The following CEP112 variants were observed in gnomAD, a reference collection of about 807,000 sequenced individuals.
CEP112 encodes centrosomal protein of 112 kDa.
A neutral mutation model predicts 153.0 loss-of-function variants in CEP112; 127 were observed. The ratio of observed to expected loss-of-function variants is 0.83; its 90% CI spans 0.72 to 0.96. The LOEUF (loss-of-function observed/expected upper bound fraction) is 0.96. Ranked by LOEUF, CEP112 falls within the 40% of genes least tolerant of loss-of-function variation. The pLI is 0.00. For missense variants in CEP112, 1,089 were observed against 1,101.2 expected (o/e 0.99, Z 0.16); for synonymous variants, 358 against 374.4 (o/e 0.96, Z 0.51).
chr17:66,168,233 G>A (rs1446898819), intron 4 of CEP112, among the ~76,000 whole-genome samples: 2 of 152,040 alleles, frequency 1.3e-5, no homozygotes, highest in African/African-American at 2.4e-5. Flanking sequence ...AGTTTCATGT[G>A]TGGTACCCAG....
chr17:65,755,408 C>A (rs976681769), intron 21 of CEP112, among the ~76,000 whole-genome samples: 3 of 152,158 alleles, frequency 2.0e-5, no homozygotes, highest in Non-Finnish European at 4.4e-5. Flanking sequence ...AACCACTTCC[C>A]ACCAGGCCCC....
rs753860478 is a variant in CEP112, at chr17:65,851,812, G to C, written c.2386C>G (p.Leu796Val). The C allele has an allele frequency of 1.1e-5, 18 of 1,609,522 alleles. No homozygotes were observed. Among genetic ancestry groups the C allele is most frequent in the Non-Finnish European group, 1.4e-5 (17 of 1,177,854 alleles). ...KTHAAETEMT[L>V]EKANSKLKQI... ...CTAGTTAAATATCTTACCTTTTCCAGTGTCATCTCTGTCTCAGCAGCATGA... is the reference window on the plus strand; with the variant it reads ...CTAGTTAAATATCTTACCTTTTCCACTGTCATCTCTGTCTCAGCAGCATGA... The change falls in exon 21 of 27, where the codon CTG (leucine) becomes GTG (valine). Residue 796 changes from leucine to valine, a missense_variant. Coordinates refer to ENST00000535342, the MANE Select transcript of CEP112 (RefSeq NM_001199165.4).
rs60923113 is a variant in CEP112, at chr17:66,155,341, G to A, written c.470+19703C>T. ...GAAGCCATGAGGGACTGTGCCGTGA[G>A]GGACAGTGCATTCTGACCCAGTTAC... is the stretch of plus-strand genomic sequence containing the variant. On this transcript the variant is annotated intron_variant, in intron 4 of 26. Transcript: ENST00000535342. Among the ~76,000 whole-genome samples, 416 of 152,224 alleles carry A rather than the reference G, an allele frequency of 2.7e-3. 2 individuals are homozygous for A. Among genetic ancestry groups the A allele is most frequent in the Middle Eastern group, 0.01 (3 of 294 alleles).
intron 21 of CEP112, among the ~76,000 whole-genome samples, chr17:65,840,578 GA>G (rs1327573985): frequency 1.2e-4 from 18 of 152,030 alleles, no homozygotes; most frequent in Admixed American, 9.2e-4. Context: ...TCTAGGCAAA[GA>G]TTTTTTTTGG....
rs9898017 is a variant in CEP112 at position 65,931,394 on chromosome 17, A to G, written c.1873-3705T>C. Among the ~76,000 whole-genome samples, 773 of 152,342 alleles carry G rather than the reference A, an allele frequency of 5.1e-3. 7 individuals carry two copies. The highest frequency in any genetic ancestry group is 0.018 in the African/African-American group (742 of 41,582). ...TGTATCATCTCTCCCACAAACCACC[A>G]TAGTGCCACACAGAGAGGATTCCCC... is the stretch of plus-strand genomic sequence containing the variant. On this transcript the variant is annotated intron_variant, in intron 18 of 26. Coordinates refer to ENST00000535342, the MANE Select transcript of CEP112 (RefSeq NM_001199165.4).
intron 4 of CEP112, among the ~76,000 whole-genome samples, chr17:66,134,817 G>A (rs973630231): frequency 6.6e-6 from 1 of 152,126 alleles, no homozygotes; most frequent in Non-Finnish European, 1.5e-5. Context: ...GTGAGACCCT[G>A]TCTAAAAACA....
chr17:65,706,504 G>A (rs190611393), intron 23 of CEP112, among the ~76,000 whole-genome samples: 16 of 152,230 alleles, frequency 1.1e-4, no homozygotes, highest in Admixed American at 9.8e-4. Flanking sequence ...CTAAAATCAA[G>A]AAAGATACAC....
At chr17:66,186,587 C>G (rs2072947548) in intron 1 of CEP112, among the ~76,000 whole-genome samples, 1 of 152,172 alleles carries the variant, frequency 6.6e-6, no homozygotes, top group Non-Finnish European at 1.5e-5. Flanking sequence ...CCATGCCCAG[C>G]TGCCTCTTGT....
rs765606382 is a variant in CEP112 at position 65,951,111 on chromosome 17, CTG to C, written c.1872+10350_1872+10351del. On this transcript the variant is annotated intron_variant, in intron 18 of 26. Coordinates refer to ENST00000535342, the MANE Select transcript of CEP112 (RefSeq NM_001199165.4). ...CCGCTTGGTCGTGGTGTATAATTGT[CTG>C]TATATGTTGCTAGATTCCGTTTTCC... Among the ~76,000 whole-genome samples the C allele has an allele frequency of 9.9e-5, 15 of 152,142 alleles. No individual in the cohort carries two copies. The South Asian group carries it at 3.1e-3, about 32-fold the overall frequency.
chr17:66,150,529 C>A (rs1309355670), intron 4 of CEP112, among the ~76,000 whole-genome samples: 1 of 152,224 alleles, frequency 6.6e-6, no homozygotes, highest in Non-Finnish European at 1.5e-5. Flanking sequence ...TCGCACCCAG[C>A]CACTGGAGTG....
chr17:65,910,288 T>C (rs1230821190), intron 19 of CEP112, among the ~76,000 whole-genome samples: 2 of 152,162 alleles, frequency 1.3e-5, no homozygotes, highest in Non-Finnish European at 2.9e-5. Flanking sequence ...ACTGACAGGC[T>C]GAAAAGTAGT....
intron 25 of CEP112, among the ~76,000 whole-genome samples, chr17:65,639,524 C>T (rs571390156): frequency 2.6e-5 from 4 of 151,748 alleles, no homozygotes; most frequent in African/African-American, 7.2e-5. Context: ...AACAAACCCC[C>T]GTTTCTAAAA....
At chr17:65,651,990 A>G (rs1400066883) in intron 24 of CEP112, among the ~76,000 whole-genome samples, 2 of 152,258 alleles carry the variant, frequency 1.3e-5, no homozygotes, top group Admixed American at 1.3e-4. Flanking sequence ...GGCATGAGCC[A>G]CTGCGCCCAG....
chr17:65,648,226 C>A (rs1470120031), intron 24 of CEP112, among the ~76,000 whole-genome samples: 1 of 152,156 alleles, frequency 6.6e-6, no homozygotes, highest in Non-Finnish European at 1.5e-5. Flanking sequence ...AAGAGAGGGG[C>A]TTCCCTCTCT....
intron 19 of CEP112, among the ~76,000 whole-genome samples, chr17:65,921,890 T>C (rs1430004855): frequency 6.6e-6 from 1 of 152,030 alleles, no homozygotes; most frequent in East Asian, 1.9e-4. Context: ...CAAATTTATA[T>C]ATTTTTTTTA....
chr17:65,659,015 C>CAAAAAAAAAAAAAA (rs777326885), intron 24 of CEP112, among the ~76,000 whole-genome samples: 1 of 55,578 alleles, frequency 1.8e-5, no homozygotes, highest in African/African-American at 5.8e-5. Flanking sequence ...GACTCTGTCT[C>CAAAAAAAAAAAAAA]AAAAAAAAAA....
In CEP112 at chr17:66,057,399, G is replaced by T. The variant is rs563374974; in HGVS notation, c.1075-3520C>A. ...ACTGGGTAGGTATATCCCTCCATGG[G>T]ATAGGCATCTCCATGGGATAGGTAT... On this transcript the variant is annotated intron_variant, in intron 11 of 26. Transcript: ENST00000535342. Among the ~76,000 whole-genome samples, 5 of 152,276 alleles carry T rather than the reference G, an allele frequency of 3.3e-5. No homozygotes were observed. In the East Asian group the frequency reaches 9.7e-4, roughly 29 times the overall value.
intron 4 of CEP112, among the ~76,000 whole-genome samples, chr17:66,136,794 C>A (rs1002610695): frequency 3.3e-5 from 5 of 152,090 alleles, no homozygotes; most frequent in African/African-American, 1.2e-4. Context: ...CAGAAAATCC[C>A]ACTATTTAGA....
intron 4 of CEP112, 42 bp from the exon 5 acceptor site, chr17:66,132,805 A>G (rs763062964): frequency 2.8e-5 from 34 of 1,202,624 alleles, no homozygotes; most frequent in Non-Finnish European, 4.2e-5. Context: ...TGGAGAATTC[A>G]GAGGACACAG....
Sources: allele counts gnomAD v4.1 joint callset (sites outside exome capture counted in the v4.1 genomes callset), GRCh38; gene constraint gnomAD v4.1.1; transcripts MANE v1.5; gene names NCBI Gene and HGNC (gene_info 2026-07-23, HGNC 2026-07-21).